SPNS2: variants seen among roughly 807,000 people sequenced by gnomAD.
SPNS2 encodes the protein SPNS lysolipid transporter 2, sphingosine-1-phosphate.
Under a neutral mutation model 57.6 loss-of-function variants are expected in SPNS2, and 37 were observed. That is an observed-to-expected ratio of 0.64 (90% CI 0.49 to 0.85). The LOEUF is 0.85. SPNS2 is among the 40% of genes least tolerant of loss of function. The probability of loss-of-function intolerance (pLI) is 0.00; values close to 1 mark genes in which losing one functional copy is unlikely to be tolerated. For missense variants in SPNS2, 831 were observed against 779.1 expected, an observed-to-expected ratio of 1.07 and a Z score of -0.79; for synonymous variants, 440 against 346.9, an observed-to-expected ratio of 1.27 and a Z score of -2.98.
chr17:4,536,200 CCAGGGCAGGCTGGG>C (rs772274897), intron 10 of SPNS2, 26 bp downstream of exon 10: 34 of 1,585,182 alleles, frequency 2.1e-5, no homozygotes, highest in Non-Finnish European at 2.9e-5. Flanking sequence ...GTGGGGCTGG[CCAGGGCAGGCTGGG>C]GGACTGCAGG....
At chr17:4,537,038 C>T (rs1388489799) in intron 12 of SPNS2, 92 bp downstream of exon 12, 6 of 1,376,198 alleles carry the variant, frequency 4.4e-6, no homozygotes, top group Non-Finnish European at 6.1e-6. Flanking sequence ...CCAGAGTCAC[C>T]TCCTACCCCA....
At chr17:4,509,971 C>A (rs1193513432) in intron 1 of SPNS2, among the ~76,000 whole-genome samples, 2 of 152,162 alleles carry the variant, frequency 1.3e-5, no homozygotes, top group African/African-American at 4.8e-5. Flanking sequence ...ACCTCAGCCT[C>A]CAGGAAAGAG....
rs765258709 is a variant in SPNS2 at position 4,532,733 on chromosome 17, A to C, written c.935+49A>C. 19 of 1,591,900 alleles carry C rather than the reference A, an allele frequency of 1.2e-5. No homozygotes were observed. In the South Asian group the frequency reaches 2.1e-4, roughly 17 times the overall value. On this transcript the variant is annotated intron_variant, in intron 6 of 12. Transcript: ENST00000329078. Reference sequence around the variant, plus strand: ...GGTGGGAAGAGAGAGGGGTGCTGAGATGAGAGGGCCTGTCCCTGCAGGGCA... The same window carrying C: ...GGTGGGAAGAGAGAGGGGTGCTGAGCTGAGAGGGCCTGTCCCTGCAGGGCA...
Position 4,536,900 on chromosome 17 carries a change from G to A in SPNS2, c.1608G>A (p.Gln536=), listed in dbSNP as rs751732089. ...TGACCCCCGCCCGTCTCTCCCCCAG[G>A]GTGAACCAGCTGGCGATGCCGCCCG... ...FVSDRARAEQ[Q]VNQLAMPPAS... is the part of the protein sequence containing the mutation. Residue 536 remains glutamine (Q), a splice_region_variant and synonymous_variant, in exon 12 of 13, where the codon CAG becomes CAA. Transcript: ENST00000329078. 1.2e-6 allele frequency: 2 copies of A among 1,613,526 alleles called. No homozygotes were observed. The highest frequency in any genetic ancestry group is 1.1e-5 in the South Asian group (1 of 91,060).
chr17:4,513,549 G>A (rs1419123169), intron 2 of SPNS2, among the ~76,000 whole-genome samples: 1 of 152,226 alleles, frequency 6.6e-6, no homozygotes, highest in African/African-American at 2.4e-5. Context: ...GCTATGGCAG[G>A]TAAAGGAGAG....
intron 11 of SPNS2, 166 bp from the exon 12 acceptor site, chr17:4,536,734 T>TCTCTCCTCTCCCCACCCCTGGG: frequency 1.5e-6 from 1 of 667,092 alleles, no homozygotes; most frequent in Non-Finnish European, 2.6e-6. Context: ...TACTCCTCTC[T>TCTCTCCTCTCCCCACCCCTGGG]CTCTCCTCTC....
chr17:4,528,460 T>C (rs1905326054), intron 3 of SPNS2, among the ~76,000 whole-genome samples: 1 of 152,114 alleles, frequency 6.6e-6, no homozygotes, highest in Non-Finnish European at 1.5e-5. Flanking sequence ...GTCCATTTTA[T>C]TTTTAAATAT....
At position 4,535,920 on chromosome 17, in the gene SPNS2, G is replaced by A. The variant is rs558429283; in HGVS notation, c.1345-156G>A. Among the ~76,000 whole-genome samples, 10 of 152,162 alleles carry A rather than the reference G, an allele frequency of 6.6e-5. No individual in the cohort carries two copies. The East Asian group carries it at 1.7e-3, about 27-fold the overall frequency. On this transcript the variant is annotated intron_variant, in intron 9 of 12. Coordinates refer to ENST00000329078, the MANE Select transcript of SPNS2 (RefSeq NM_001124758.3). ...TGGGGTGGGCAGTAGAGGGGACTGTGGGGAGGAGGGCAGGGCCCAGGGGAG... is the reference window on the plus strand; with the variant it reads ...TGGGGTGGGCAGTAGAGGGGACTGTAGGGAGGAGGGCAGGGCCCAGGGGAG...
chr17:4,524,864 C>T (rs987809680), intron 2 of SPNS2, among the ~76,000 whole-genome samples, 193 bp from the exon 3 acceptor site: 16 of 152,210 alleles, frequency 1.1e-4, no homozygotes, highest in African/African-American at 2.9e-4. Flanking sequence ...GAGAGGATGG[C>T]GTCATGGACC....
At position 4,523,585 on chromosome 17, in the gene SPNS2, C is replaced by T. The variant is rs188750740; in HGVS notation, c.437-1472C>T. Among the ~76,000 whole-genome samples, 45 of 151,824 alleles carry T rather than the reference C, an allele frequency of 3.0e-4. 1 individual carries two copies. The East Asian group carries it at 7.6e-3, about 26-fold the overall frequency. ...GAGTTGGAGACCAGCCTAGCCAACA[C>T]GGTGAAACCCCGTCTCTACTAAAAA... is the stretch of plus-strand genomic sequence containing the variant. On this transcript the variant is annotated intron_variant, in intron 2 of 12. Coordinates refer to ENST00000329078, the MANE Select transcript of SPNS2 (RefSeq NM_001124758.3).
At chr17:4,532,148 GTCCA>G (rs146550932) in intron 5 of SPNS2, among the ~76,000 whole-genome samples, 4,050 of 134,798 alleles carry the variant, frequency 0.03, 74 homozygotes, top group Non-Finnish European at 0.039. Flanking sequence ...TCATCCATCT[GTCCA>G]TCCGTCTGTC....
At chr17:4,530,035 T>C (rs1905396372) in intron 3 of SPNS2, among the ~76,000 whole-genome samples, 1 of 152,020 alleles carries the variant, frequency 6.6e-6, no homozygotes, top group South Asian at 2.1e-4. Flanking sequence ...CAGGTCCACA[T>C]CAAAGGGGTC....
rs755346977 is a variant in SPNS2, at chr17:4,532,597, C to G, written c.848C>G (p.Ala283Gly). The stretch of plus-strand genomic sequence containing the variant: ...ACACTCATCCTCATTCTGGTCCCAG[C>G]CACTAAAAGGGGTCATGCCGACCAG... The part of the protein sequence containing the change: ...TGTLILILVP[A>G]TKRGHADQLG... The change falls in exon 6 of 13, where the codon GCC becomes GGC. Residue 283 changes from alanine (A) to glycine (G), a missense_variant. Ala to Gly is a moderately conservative substitution (Grantham distance 60). Around this residue, in one of 2 missense-constraint regions of SPNS2, gnomAD observed 526 missense variants for 400.9 expected, o/e 1.31. Coordinates refer to ENST00000329078, the MANE Select transcript of SPNS2 (RefSeq NM_001124758.3). 6.2e-7 allele frequency: 1 copy of G among 1,614,076 alleles called. No homozygotes were observed. Among genetic ancestry groups the G allele is most frequent in the African/African-American group, 1.3e-5 (1 of 75,050 alleles).
intron 11 of SPNS2, 54 bp from the exon 12 acceptor site, chr17:4,536,846 C>G: frequency 2.0e-6 from 3 of 1,491,250 alleles, no homozygotes; most frequent in South Asian, 2.3e-5. Context: ...GAGCAGTGCC[C>G]GGGCCCGGCC....
chr17:4,499,488 AC>A lies in SPNS2; in HGVS notation c.370+75del. On this transcript the variant is annotated intron_variant, in intron 1 of 12. Coordinates refer to ENST00000329078, the MANE Select transcript of SPNS2 (RefSeq NM_001124758.3). The surrounding 1 kb of genome is among the most constrained non-coding windows in gnomAD (Gnocchi z 5.2). The stretch of plus-strand genomic sequence containing the variant: ...TCCCACCACCCGCCTCGAGGGAGGT[AC>A]CCCAGAGAGCTTTTGGTCTCAGGCC... 9.5e-7 allele frequency: 1 copy of A among 1,058,050 alleles called. No individual in the cohort carries two copies. The highest frequency in any genetic ancestry group is 1.2e-6 in the Non-Finnish European group (1 of 802,156). 65.5% of individuals were successfully genotyped at this position (1,058,050 alleles called of 1,614,324 possible).
chr17:4,522,761 T>A (rs1323498134), intron 2 of SPNS2, among the ~76,000 whole-genome samples: 2 of 152,132 alleles, frequency 1.3e-5, no homozygotes, highest in African/African-American at 2.4e-5. Context: ...GGGGGAGGGA[T>A]GGGGGGCCAC....
At chr17:4,504,246 G>A (rs1300846271) in intron 1 of SPNS2, among the ~76,000 whole-genome samples, 1 of 152,218 alleles carries the variant, frequency 6.6e-6, no homozygotes, top group Non-Finnish European at 1.5e-5. Context: ...GAGGGGCAGG[G>A]CATCCAGAGT....
chr17:4,534,240 C>CGGCTGG (rs200905138), intron 9 of SPNS2: 2,832 of 273,704 alleles, frequency 0.01, 81 homozygotes, highest in African/African-American at 0.057. Flanking sequence ...GGCGTGCCTG[C>CGGCTGG]GGCTGGGGCT....
intron 5 of SPNS2, among the ~76,000 whole-genome samples, chr17:4,531,417 G>A (rs937407239): frequency 2.0e-5 from 3 of 152,164 alleles, no homozygotes; most frequent in Admixed American, 1.3e-4. Flanking sequence ...CTCCCACCAC[G>A]TCAGGAAATT....
Sources: gnomAD v4.1 joint callset for allele counts (sites outside exome capture counted in the v4.1 genomes callset) on GRCh38, gnomAD v4.1.1 for gene constraint, gnomAD v4.1.1 regional missense constraint, Gnocchi (gnomAD v3.1) non-coding constraint, MANE v1.5 for transcripts, NCBI Gene and HGNC (gene_info 2026-07-23, HGNC 2026-07-21) for gene names.